Variants in CNBD1 observed in about 807,000 individuals in gnomAD.
CNBD1 encodes cyclic nucleotide-binding domain-containing protein 1.
CNBD1 carries 71 observed loss-of-function variants against 54.4 expected under a neutral mutation model. The observed-to-expected ratio is 1.30, with a 90% CI of 1.08 to 1.59. CNBD1 has a LOEUF of 1.59. Ranked by LOEUF, CNBD1 falls within the 40% of genes most tolerant of loss-of-function variation. The pLI is 0.00. For missense variants in CNBD1, 659 were observed against 518.0 expected, an observed-to-expected ratio of 1.27 and a Z score of -2.64; for synonymous variants, 182 against 170.7, an observed-to-expected ratio of 1.07 and a Z score of -0.51.
At chr8:87,128,098 A>T (rs1271467098) in intron 4 of CNBD1, among the ~76,000 whole-genome samples, 1 of 152,096 alleles carries the variant, frequency 6.6e-6, no homozygotes, top group African/African-American at 2.4e-5. Context: ...ACTCCATTAC[A>T]TTTCCAGCTC....
chr8:86,883,933 C>G (rs1217149794), intron 1 of CNBD1, among the ~76,000 whole-genome samples: 2 of 151,958 alleles, frequency 1.3e-5, no homozygotes, highest in Non-Finnish European at 2.9e-5. Context: ...GGGCGGATCA[C>G]GAGGTCAGGA....
intron 8 of CNBD1, among the ~76,000 whole-genome samples, chr8:87,331,820 C>T (rs187809985): frequency 3.3e-5 from 5 of 152,122 alleles, no homozygotes; most frequent in East Asian, 1.9e-4. Flanking sequence ...TTAGTGATGT[C>T]GAGCTTTTTT....
intron 8 of CNBD1, among the ~76,000 whole-genome samples, chr8:87,321,693 G>A (rs181246345): frequency 2.4e-4 from 37 of 151,750 alleles, no homozygotes; most frequent in Admixed American, 4.6e-4. Flanking sequence ...TTTTTAATTT[G>A]ATATAATCTC....
chr8:87,114,722 C>G (rs554208282), intron 4 of CNBD1, among the ~76,000 whole-genome samples: 3 of 152,094 alleles, frequency 2.0e-5, no homozygotes, highest in Non-Finnish European at 4.4e-5. Flanking sequence ...TTGCAAGTAC[C>G]GTGTCTGCTG....
chr8:87,425,111 A>G (rs995548504), intron 2 of CNBD1, among the ~76,000 whole-genome samples: 1 of 152,030 alleles, frequency 6.6e-6, no homozygotes, highest in Non-Finnish European at 1.5e-5. Flanking sequence ...AGTTGATCGC[A>G]TCGGCTCCTG....
chr8:86,887,612 G>T lies in CNBD1; in HGVS notation c.158+1G>T. ...TATGCCACATTAGAGGACAACACAG[G>T]TAAGCTATTCATGCATTTCTTTTTC... On this transcript the variant is annotated splice_donor_variant, in intron 2 of 10. Transcript: ENST00000518476. LOFTEE classifies it high-confidence loss of function. 1 of 1,571,126 alleles carries T rather than the reference G, an allele frequency of 6.4e-7. No homozygotes were observed. Among genetic ancestry groups the T allele is most frequent in the Non-Finnish European group, 8.7e-7 (1 of 1,153,990 alleles).
At chr8:87,420,210 A>G (rs1172648387) in intron 2 of CNBD1, among the ~76,000 whole-genome samples, 1 of 151,920 alleles carries the variant, frequency 6.6e-6, no homozygotes, top group Non-Finnish European at 1.5e-5. Context: ...TTCTATCACT[A>G]TCACTGAGGT....
At chr8:86,900,309 A>AATGAG in intron 2 of CNBD1, among the ~76,000 whole-genome samples, 1 of 152,184 alleles carries the variant, frequency 6.6e-6, no homozygotes, top group African/African-American at 2.4e-5. Context: ...TCTCATGATA[A>AATGAG]AAGTTTTTCC....
intron 8 of CNBD1, among the ~76,000 whole-genome samples, chr8:87,303,331 CG>C (rs1175960753): frequency 6.6e-6 from 1 of 151,794 alleles, no homozygotes; most frequent in Non-Finnish European, 1.5e-5. Flanking sequence ...GAAATAATGC[CG>C]CATATCTACA....
chr8:87,171,789 C>G (rs938751496), intron 4 of CNBD1, among the ~76,000 whole-genome samples: 5 of 150,510 alleles, frequency 3.3e-5, no homozygotes, highest in African/African-American at 4.9e-5. Flanking sequence ...AGGTGCCCAC[C>G]ACCACGCCTG....
chr8:87,405,272 A>G (rs1181111150), intron 2 of CNBD1, among the ~76,000 whole-genome samples: 1 of 148,800 alleles, frequency 6.7e-6, no homozygotes, highest in Non-Finnish European at 1.5e-5. Flanking sequence ...CTTAATTTAT[A>G]TACTTTTTAT....
At chr8:87,004,704 A>C (rs926608302) in intron 4 of CNBD1, among the ~76,000 whole-genome samples, 1 of 152,148 alleles carries the variant, frequency 6.6e-6, no homozygotes, top group Non-Finnish European at 1.5e-5. Context: ...TTTCTGGCAG[A>C]AAAATATCAT....
intron 6 of CNBD1, among the ~76,000 whole-genome samples, chr8:87,260,413 G>A (rs34492265): frequency 0.014 from 2,061 of 152,230 alleles, 26 homozygotes; most frequent in Middle Eastern, 0.044. Flanking sequence ...GGGGGCCTAA[G>A]CCCGTATTTT....
At chr8:87,048,811 G>C (rs560178577) in intron 4 of CNBD1, among the ~76,000 whole-genome samples, 2 of 152,300 alleles carry the variant, frequency 1.3e-5, no homozygotes, top group African/African-American at 4.8e-5. Context: ...TGGGGAAGGA[G>C]CTGCCTGTTG....
chr8:87,136,991 TTA>T (rs1218277434), intron 4 of CNBD1, among the ~76,000 whole-genome samples: 1 of 86,376 alleles, frequency 1.2e-5, no homozygotes, highest in Non-Finnish European at 2.1e-5. Context: ...TCTATGTAAA[TTA>T]TATATATTTA....
At chr8:87,020,798 T>G (rs1040370659) in intron 4 of CNBD1, among the ~76,000 whole-genome samples, 8 of 152,192 alleles carry the variant, frequency 5.3e-5, no homozygotes, top group Non-Finnish European at 1.2e-4. Context: ...ATTTCCTTCC[T>G]TCTCAGATCC....
intron 8 of CNBD1, among the ~76,000 whole-genome samples, chr8:87,304,380 A>C (rs972533501): frequency 1.3e-5 from 2 of 151,976 alleles, no homozygotes; most frequent in Admixed American, 1.3e-4. Context: ...GCAAACTATC[A>C]CAAGGACAAA....
At chr8:87,338,967 G>A (rs1204495733) in intron 8 of CNBD1, among the ~76,000 whole-genome samples, 1 of 152,062 alleles carries the variant, frequency 6.6e-6, no homozygotes, top group Non-Finnish European at 1.5e-5. Flanking sequence ...AACTTCACAT[G>A]TGCTTCACAG....
chr8:87,151,627 G>C (rs949328762), intron 4 of CNBD1, among the ~76,000 whole-genome samples: 3 of 152,144 alleles, frequency 2.0e-5, no homozygotes, highest in Non-Finnish European at 4.4e-5. Context: ...CAACACTTAT[G>C]ACATGGGGAA....
Sources: allele counts gnomAD v4.1 joint callset (sites outside exome capture counted in the v4.1 genomes callset), GRCh38; gene constraint gnomAD v4.1.1; transcripts MANE v1.5; gene names NCBI Gene and HGNC (gene_info 2026-07-23, HGNC 2026-07-21).